EDIL3: variants seen among roughly 807,000 people sequenced by gnomAD.
The protein encoded by EDIL3 is EGF-like repeat and discoidin I-like domain-containing protein 3.
EDIL3 carries 37 observed loss-of-function variants against 67.4 expected under a neutral mutation model. The ratio of observed to expected loss-of-function variants is 0.55; its 90% CI spans 0.42 to 0.72. The LOEUF is 0.72. EDIL3 is among the 30% of genes least tolerant of loss of function. EDIL3 has a pLI of 0.00. For synonymous variants in EDIL3, 195 were observed against 196.3 expected (o/e 0.99, Z 0.05); for missense variants, 527 against 586.3 (o/e 0.90, Z 1.04).
At chr5:83,968,043 T>C (rs939102709) in intron 9 of EDIL3, among the ~76,000 whole-genome samples, 1 of 152,152 alleles carries the variant, frequency 6.6e-6, no homozygotes, top group Non-Finnish European at 1.5e-5. Flanking sequence ...GCAACGTATT[T>C]AATAACATTT....
chr5:84,107,055 T>C (rs935337970), intron 5 of EDIL3, among the ~76,000 whole-genome samples: 4 of 152,084 alleles, frequency 2.6e-5, no homozygotes, highest in African/African-American at 7.2e-5. Flanking sequence ...AGTCACTTAA[T>C]AGACACTTCC....
At chr5:84,383,493 T>C (rs1379346122) in intron 1 of EDIL3, among the ~76,000 whole-genome samples, 3 of 152,238 alleles carry the variant, frequency 2.0e-5, no homozygotes, top group African/African-American at 7.2e-5. Context: ...TCTGTTTTTA[T>C]TTTTTCGTGC....
chr5:84,063,017 A>C (rs1037611385), intron 8 of EDIL3, among the ~76,000 whole-genome samples: 11 of 152,164 alleles, frequency 7.2e-5, no homozygotes, highest in Non-Finnish European at 1.6e-4. Flanking sequence ...GCAAGTTCAA[A>C]ATCAATTTGC....
chr5:84,252,619 T>C (rs1176975705), intron 2 of EDIL3, among the ~76,000 whole-genome samples: 1 of 151,870 alleles, frequency 6.6e-6, no homozygotes, highest in Non-Finnish European at 1.5e-5. Flanking sequence ...TATACTATTA[T>C]ACAACTCGAA....
intron 1 of EDIL3, among the ~76,000 whole-genome samples, chr5:84,280,947 C>CAAAAAAAAAAAAAAAAAAAAAAAA (rs11302104): frequency 1.4e-5 from 1 of 70,198 alleles, no homozygotes; most frequent in African/African-American, 6.2e-5. Flanking sequence ...AAGACTCTGT[C>CAAAAAAAAAAAAAAAAAAAAAAAA]AAAAAAAAAA....
At chr5:84,271,709 T>C (rs752985093) in intron 1 of EDIL3, among the ~76,000 whole-genome samples, 1 of 152,198 alleles carries the variant, frequency 6.6e-6, no homozygotes, top group Non-Finnish European at 1.5e-5. Context: ...CTTTTTCAAG[T>C]AATTACTTAA....
At chr5:84,245,123 T>C (rs763327080) in intron 2 of EDIL3, among the ~76,000 whole-genome samples, 10 of 152,212 alleles carry the variant, frequency 6.6e-5, no homozygotes, top group Non-Finnish European at 1.3e-4. Flanking sequence ...GTCCCTTTCT[T>C]TATAGTTTTT....
At chr5:84,158,643 T>TA (rs1206524684) in intron 4 of EDIL3, among the ~76,000 whole-genome samples, 1 of 152,078 alleles carries the variant, frequency 6.6e-6, no homozygotes, top group Non-Finnish European at 1.5e-5. Context: ...ATTTACTACT[T>TA]ATCCCTCAAT....
intron 4 of EDIL3, among the ~76,000 whole-genome samples, chr5:84,172,072 G>A (rs1393728160): frequency 6.6e-6 from 1 of 152,078 alleles, no homozygotes; most frequent in Non-Finnish European, 1.5e-5. Context: ...TGCACAGCAA[G>A]TGTGAGATCC....
chr5:84,009,896 G>C (rs1036903458), intron 9 of EDIL3, among the ~76,000 whole-genome samples: 5 of 152,188 alleles, frequency 3.3e-5, no homozygotes, highest in Admixed American at 2.6e-4. Flanking sequence ...CCCTGTCCCA[G>C]ATGGGAGACC....
At chr5:84,350,764 G>C (rs559811498) in intron 1 of EDIL3, among the ~76,000 whole-genome samples, 182 of 152,000 alleles carry the variant, frequency 1.2e-3, no homozygotes, top group African/African-American at 4.2e-3. Flanking sequence ...TTGTTCAATA[G>C]AAATATAAAG....
At chr5:84,114,405 C>T (rs1370874625) in intron 5 of EDIL3, among the ~76,000 whole-genome samples, 2 of 152,084 alleles carry the variant, frequency 1.3e-5, no homozygotes, top group African/African-American at 2.4e-5. Context: ...TGAAGGTAAA[C>T]ATGCACAACA....
chr5:83,970,030 C>T (rs1282385252), intron 9 of EDIL3, among the ~76,000 whole-genome samples: 1 of 151,546 alleles, frequency 6.6e-6, no homozygotes. Flanking sequence ...TATCAAATCT[C>T]TACCTAACTT....
chr5:84,186,853 A>G (rs973363424), intron 3 of EDIL3, among the ~76,000 whole-genome samples: 1 of 152,110 alleles, frequency 6.6e-6, no homozygotes, highest in Non-Finnish European at 1.5e-5. Flanking sequence ...AAAAAGATAG[A>G]AGACAAGGGC....
At chr5:84,324,216 T>G (rs1219214545) in intron 1 of EDIL3, among the ~76,000 whole-genome samples, 1 of 151,778 alleles carries the variant, frequency 6.6e-6, no homozygotes, top group East Asian at 1.9e-4. Context: ...ATACAACCTG[T>G]CTTCTCCAGC....
At chr5:84,097,461 C>T (rs1050990587) in intron 6 of EDIL3, among the ~76,000 whole-genome samples, 2 of 151,946 alleles carry the variant, frequency 1.3e-5, no homozygotes, top group African/African-American at 2.4e-5. Flanking sequence ...AATAAAAGTC[C>T]TAATAAAAAT....
intron 9 of EDIL3, among the ~76,000 whole-genome samples, chr5:84,002,627 C>A (rs1370740751): frequency 6.6e-6 from 1 of 152,210 alleles, no homozygotes; most frequent in Non-Finnish European, 1.5e-5. Context: ...AGTTGCATTT[C>A]TATATGCCAA....
At chr5:84,271,142 A>G (rs1156470726) in intron 1 of EDIL3, among the ~76,000 whole-genome samples, 1 of 152,208 alleles carries the variant, frequency 6.6e-6, no homozygotes, top group East Asian at 1.9e-4. Context: ...ATACCACATT[A>G]TTAATAAGTA....
At chr5:84,325,492 G>A (rs1746739162) in intron 1 of EDIL3, among the ~76,000 whole-genome samples, 1 of 151,978 alleles carries the variant, frequency 6.6e-6, no homozygotes, top group African/African-American at 2.4e-5. Context: ...TAAAATACAT[G>A]TTGGTGAGGA....
Sources: allele counts gnomAD v4.1 joint callset (sites outside exome capture counted in the v4.1 genomes callset), GRCh38; gene constraint gnomAD v4.1.1; transcripts MANE v1.5; gene names NCBI Gene and HGNC (gene_info 2026-07-23, HGNC 2026-07-21).